The following MAST2 variants were observed in gnomAD, a reference collection of about 807,000 sequenced individuals.
MAST2 encodes microtubule-associated serine/threonine-protein kinase 2.
A neutral mutation model predicts 147.4 loss-of-function variants in MAST2; 70 were observed. The observed-to-expected ratio is 0.47, with a 90% CI of 0.39 to 0.58. The LOEUF is 0.58. Among genes scored for constraint, MAST2 ranks in the 20% least tolerant of loss-of-function variants. The pLI is 0.00. For missense variants in MAST2, 2,080 were observed against 2,302.3 expected (o/e 0.90, Z 1.98); for synonymous variants, 869 against 896.8 (o/e 0.97, Z 0.55).
At chr1:45,845,916 A>G (rs1374541663) in intron 3 of MAST2, among the ~76,000 whole-genome samples, 1 of 152,060 alleles carries the variant, frequency 6.6e-6, no homozygotes, top group Non-Finnish European at 1.5e-5. Context: ...GCCCACCACC[A>G]TGCCCGGCTA....
At chr1:45,832,486 G>A (rs1644988773) in intron 3 of MAST2, among the ~76,000 whole-genome samples, 1 of 151,968 alleles carries the variant, frequency 6.6e-6, no homozygotes, top group African/African-American at 2.4e-5. Context: ...GTAGTGATGG[G>A]GTTTTGCCAT....
intron 5 of MAST2, among the ~76,000 whole-genome samples, chr1:45,975,767 A>C (rs1483138250): frequency 6.6e-6 from 1 of 151,858 alleles, no homozygotes; most frequent in Non-Finnish European, 1.5e-5. Flanking sequence ...GGGTAGGCAG[A>C]AAGTCACGGA....
In MAST2 at chr1:46,027,878, T is replaced by C; in HGVS notation, c.2052+15T>C. The stretch of plus-strand genomic sequence containing the variant: ...TGGACAAGCAGGTAAGGAAGGGTAG[T>C]TGATACACTGGGGGTTAAATTCTAG... On this transcript the variant is annotated intron_variant, in intron 17 of 28. Coordinates refer to ENST00000361297, the MANE Select transcript of MAST2 (RefSeq NM_015112.3). The C allele has an allele frequency of 6.2e-7, 1 of 1,613,712 alleles. No individual in the cohort carries two copies. Among genetic ancestry groups the C allele is most frequent in the Non-Finnish European group, 8.5e-7 (1 of 1,179,802 alleles).
intron 3 of MAST2, among the ~76,000 whole-genome samples, chr1:45,841,637 G>A (rs1645280716): frequency 6.6e-6 from 1 of 152,146 alleles, no homozygotes; most frequent in East Asian, 1.9e-4. Context: ...CCCGGCAGTG[G>A]AGAGTGGTTG....
At chr1:45,875,440 C>T (rs372344921) in intron 3 of MAST2, among the ~76,000 whole-genome samples, 3 of 152,128 alleles carry the variant, frequency 2.0e-5, no homozygotes, top group South Asian at 4.2e-4. Context: ...AACGAGACTT[C>T]ATCTCAAAAA....
At chr1:45,914,085 T>A (rs1477777396) in intron 4 of MAST2, among the ~76,000 whole-genome samples, 1 of 152,216 alleles carries the variant, frequency 6.6e-6, no homozygotes, top group African/African-American at 2.4e-5. Flanking sequence ...CTGAATTAGA[T>A]GTCATTTTAG....
At chr1:45,848,806 T>C (rs1307171304) in intron 3 of MAST2, among the ~76,000 whole-genome samples, 1 of 152,172 alleles carries the variant, frequency 6.6e-6, no homozygotes, top group Non-Finnish European at 1.5e-5. Context: ...TGTTTGTAGA[T>C]GACATGATTG....
intron 26 of MAST2, among the ~76,000 whole-genome samples, 182 bp from the exon 27 acceptor site, chr1:46,033,620 C>T (rs1252411473): frequency 6.6e-6 from 1 of 152,170 alleles, no homozygotes. Context: ...CACTCTGGGG[C>T]TCCAATGGGA....
At chr1:45,833,566 T>C (rs1409590455) in intron 3 of MAST2, among the ~76,000 whole-genome samples, 1 of 152,202 alleles carries the variant, frequency 6.6e-6, no homozygotes, top group African/African-American at 2.4e-5. Flanking sequence ...TGCTGAGTCA[T>C]ATGATAACTG....
chr1:46,032,354 C>G lies in MAST2; in HGVS notation c.3364C>G (p.Arg1122Gly), dbSNP rs761169734. The G allele has an allele frequency of 6.2e-7, 1 of 1,613,392 alleles. No individual in the cohort carries two copies. The highest frequency in any genetic ancestry group is 8.5e-7 in the Non-Finnish European group (1 of 1,179,772). ...GTATGGCTTCACCCTGCGGGCCATT[C>G]GCGTCTACATGGGTGACTCCGATGT... The part of the protein sequence containing the change: ...KKYGFTLRAI[R>G]VYMGDSDVYT... Residue 1122 changes from arginine to glycine, a missense_variant, in exon 25 of 29, where the codon CGC becomes GGC. By Grantham distance (125) the Arg-to-Gly change is moderately radical. Transcript: ENST00000361297.
chr1:45,848,773 GAAGA>G (rs975204998), intron 3 of MAST2, among the ~76,000 whole-genome samples: 1 of 152,140 alleles, frequency 6.6e-6, no homozygotes, highest in African/African-American at 2.4e-5. Flanking sequence ...ATTCAAGTAG[GAAGA>G]GAGAAGTCAG....
chr1:45,927,546 A>G (rs1654582545), intron 4 of MAST2, among the ~76,000 whole-genome samples: 1 of 151,850 alleles, frequency 6.6e-6, no homozygotes, highest in African/African-American at 2.4e-5. Flanking sequence ...GAAAGAAGAG[A>G]AATACGGCTC....
Position 45,829,580 on chromosome 1 carries a change from T to C in MAST2, c.467T>C (p.Leu156Pro). The C allele has an allele frequency of 6.2e-7, 1 of 1,611,248 alleles. No individual in the cohort carries two copies. Among genetic ancestry groups the C allele is most frequent in the Non-Finnish European group, 8.5e-7 (1 of 1,178,616 alleles). Residue 156 changes from leucine to proline, a missense_variant and splice_region_variant, in exon 3 of 29, where the codon CTG becomes CCG. By Grantham distance (98) the Leu-to-Pro change is moderately conservative. Transcript: ENST00000361297. ...TCTGCACCTTCTCTTACTGCTGGCC[T>C]GGTAAGTGTTCATAAAGGTGGCATT... ...GQSAPSLTAG[L>P]KELSLPRRGS...
At position 46,031,355 on chromosome 1, in the gene MAST2, G is replaced by A. The variant is rs751685998; in HGVS notation, c.2993-36G>A. Reference sequence around the variant, plus strand: ...ATACTGCAGGGCAGGGAGGCTCAGCGGCATCGCGGGTCTCACTGCTTACTT... The same window carrying A: ...ATACTGCAGGGCAGGGAGGCTCAGCAGCATCGCGGGTCTCACTGCTTACTT... On this transcript the variant is annotated intron_variant, in intron 23 of 28. Coordinates refer to ENST00000361297, the MANE Select transcript of MAST2 (RefSeq NM_015112.3). The surrounding 1 kb of genome is among the most constrained non-coding windows in gnomAD (Gnocchi z 4.1). 4.4e-5 allele frequency: 70 copies of A among 1,585,070 alleles called. No individual in the cohort carries two copies. The highest frequency in any genetic ancestry group is 1.8e-4 in the East Asian group (8 of 44,418).
At chr1:45,981,754 A>G (rs1644414847) in intron 5 of MAST2, among the ~76,000 whole-genome samples, 1 of 151,992 alleles carries the variant, frequency 6.6e-6, no homozygotes, top group African/African-American at 2.4e-5. Flanking sequence ...ATTCCTAGTC[A>G]GATTTTTCTC....
chr1:45,808,101 G>A (rs921947453), intron 1 of MAST2, among the ~76,000 whole-genome samples: 10 of 152,120 alleles, frequency 6.6e-5, no homozygotes, highest in African/African-American at 2.2e-4. Flanking sequence ...TAATCAGGAT[G>A]TAGGACTTGG....
At position 45,981,846 on chromosome 1, in the gene MAST2, C is replaced by CTTTT. The variant is rs34353072; in HGVS notation, c.593-15867_593-15864dup. Among the ~76,000 whole-genome samples the CTTTT allele has an allele frequency of 1.4e-3, 193 of 141,170 alleles. 1 individual carries two copies. The highest frequency in any genetic ancestry group is 2.0e-3 in the South Asian group (9 of 4,498). The allele number at this position is 141,170 out of a possible 152,430, so 92.6% of individuals were successfully genotyped here. A position where few individuals can be genotyped will look rare whatever the true frequency, so the allele number is the denominator to read the frequency against. ...AACTTTAAAATGGTGGTAATTTTGG[C>CTTTT]TTTTTTTTTTTTTTGAAAGAGTCTT... On this transcript the variant is annotated intron_variant, in intron 5 of 28. Transcript: ENST00000361297.
At chr1:45,938,431 C>A (rs558327162) in intron 4 of MAST2, among the ~76,000 whole-genome samples, 13 of 152,252 alleles carry the variant, frequency 8.5e-5, no homozygotes, top group Non-Finnish European at 1.6e-4. Flanking sequence ...TCAGGGAATC[C>A]TCCTGCCTCA....
chr1:45,876,359 TA>T (rs1646606281), intron 3 of MAST2, among the ~76,000 whole-genome samples: 1 of 152,224 alleles, frequency 6.6e-6, no homozygotes, highest in African/African-American at 2.4e-5. Flanking sequence ...GTGTAGTTAT[TA>T]AGGGAATTTA....
Sources: gnomAD v4.1 joint callset for allele counts (sites outside exome capture counted in the v4.1 genomes callset) on GRCh38, gnomAD v4.1.1 for gene constraint, Gnocchi (gnomAD v3.1) non-coding constraint, MANE v1.5 for transcripts, NCBI Gene and HGNC (gene_info 2026-07-23, HGNC 2026-07-21) for gene names.